The following PDE8A variants were observed in gnomAD, a reference collection of about 807,000 sequenced individuals.
The protein encoded by PDE8A is high affinity cAMP-specific and IBMX-insensitive 3',5'-cyclic phosphodiesterase 8A.
In PDE8A, 59 loss-of-function variants were observed where a neutral mutation model predicts 105.0. The observed-to-expected ratio is 0.56, with a 90% CI of 0.46 to 0.70. The LOEUF (loss-of-function observed/expected upper bound fraction) is 0.70. PDE8A is among the 30% of genes least tolerant of loss of function. PDE8A has a pLI of 0.00. For missense variants in PDE8A, 1,014 were observed against 1,045.9 expected (o/e 0.97, Z 0.42); for synonymous variants, 355 against 371.9 (o/e 0.95, Z 0.52).
At chr15:85,089,270 T>G (rs1278773175) in intron 6 of PDE8A, 68 bp from the exon 7 acceptor site, 3 of 825,950 alleles carry the variant, frequency 3.6e-6, no homozygotes, top group African/African-American at 3.5e-5. Context: ...ATTTAAATAA[T>G]GTAATAACCC....
chr15:85,051,893 A>T (rs925624977), intron 1 of PDE8A, among the ~76,000 whole-genome samples: 8 of 152,118 alleles, frequency 5.3e-5, no homozygotes, highest in African/African-American at 1.9e-4. Flanking sequence ...ACATATGTAT[A>T]CATGTGCCGT....
At chr15:85,049,506 C>T (rs1334250088) in intron 1 of PDE8A, among the ~76,000 whole-genome samples, 1 of 152,182 alleles carries the variant, frequency 6.6e-6, no homozygotes, top group Non-Finnish European at 1.5e-5. Context: ...TCATCTGTTC[C>T]ATAGCATATA....
chr15:85,050,108 T>C (rs2080949322), intron 1 of PDE8A, among the ~76,000 whole-genome samples: 1 of 152,170 alleles, frequency 6.6e-6, no homozygotes, highest in Admixed American at 6.5e-5. Flanking sequence ...CTTTCTTTTA[T>C]TAATATATCT....
At chr15:84,992,772 C>A (rs913026543) in intron 1 of PDE8A, among the ~76,000 whole-genome samples, 2 of 152,102 alleles carry the variant, frequency 1.3e-5, no homozygotes, top group African/African-American at 4.8e-5. Context: ...TGGGGTTTAC[C>A]AGCTTAGAAG....
At chr15:85,091,225 G>T in intron 8 of PDE8A, 44 bp downstream of exon 8, 1 of 1,532,158 alleles carries the variant, frequency 6.5e-7, no homozygotes, top group South Asian at 1.3e-5. Flanking sequence ...ACAACACAGA[G>T]AGAAGGAAGA....
chr15:85,092,326 T>G (rs1273296799), intron 8 of PDE8A, among the ~76,000 whole-genome samples: 2 of 122,890 alleles, frequency 1.6e-5, no homozygotes, highest in Admixed American at 1.5e-4. Context: ...TTTTTTGTTG[T>G]TGTTTTTTTT....
chr15:85,108,943 C>T, intron 11 of PDE8A, 110 bp from the exon 12 acceptor site: 1 of 695,268 alleles, frequency 1.4e-6, no homozygotes, highest in East Asian at 2.6e-5. Flanking sequence ...ACTTTTGTGG[C>T]ATTTAAAACA....
chr15:85,008,185 TGGC>T (rs2080179101), intron 1 of PDE8A, among the ~76,000 whole-genome samples: 1 of 151,974 alleles, frequency 6.6e-6, no homozygotes, highest in African/African-American at 2.4e-5. Flanking sequence ...TGGGCAGCTG[TGGC>T]CTTTGCAGAA....
At chr15:85,081,298 G>C (rs190768044) in intron 5 of PDE8A, among the ~76,000 whole-genome samples, 7 of 152,182 alleles carry the variant, frequency 4.6e-5, no homozygotes, top group African/African-American at 1.7e-4. Context: ...CCATTGAGTC[G>C]GTAGACTCAC....
chr15:85,126,919 A>C (rs1038283135), intron 20 of PDE8A, among the ~76,000 whole-genome samples: 1 of 152,230 alleles, frequency 6.6e-6, no homozygotes, highest in African/African-American at 2.4e-5. Flanking sequence ...ATCAAAAACT[A>C]TGAAGGCCAG....
chr15:85,115,286 T>C (rs1426054278), intron 14 of PDE8A, 153 bp from the exon 15 acceptor site: 3 of 589,440 alleles, frequency 5.1e-6, no homozygotes, highest in African/African-American at 2.0e-5. Flanking sequence ...CAGTGGTCAA[T>C]CACAGGGGTG....
At chr15:85,051,897 G>C (rs1162997896) in intron 1 of PDE8A, among the ~76,000 whole-genome samples, 1 of 152,082 alleles carries the variant, frequency 6.6e-6, no homozygotes, top group African/African-American at 2.4e-5. Context: ...ATGTATACAT[G>C]TGCCGTGCTG....
At chr15:85,053,726 A>T (rs553186911) in intron 1 of PDE8A, among the ~76,000 whole-genome samples, 1 of 152,208 alleles carries the variant, frequency 6.6e-6, no homozygotes, top group Non-Finnish European at 1.5e-5. Flanking sequence ...GGCTGAGACA[A>T]TGGGGTTTTC....
rs1456374518 is a variant in PDE8A, at chr15:85,139,035, T to TA, written c.*1138dup. The TA allele has an allele frequency of 5.9e-5, 9 of 152,258 alleles. No individual in the cohort carries two copies. In the South Asian group the frequency reaches 8.3e-4, roughly 14 times the overall value. The allele number at this position is 152,258 out of a possible 1,614,324, so 9.4% of individuals were successfully genotyped here. The stretch of plus-strand genomic sequence containing the variant: ...CACACCTTGAATAAGCATAATACCA[T>TA]AAAAAATGACACTTGACATGTCAAT... On this transcript the variant is annotated 3_prime_UTR_variant, in exon 22 of 22. Coordinates refer to ENST00000394553, the MANE Select transcript of PDE8A (RefSeq NM_002605.3).
intron 1 of PDE8A, among the ~76,000 whole-genome samples, chr15:85,033,549 CCT>C (rs1245297197): frequency 6.6e-6 from 1 of 152,068 alleles, no homozygotes; most frequent in Non-Finnish European, 1.5e-5. Flanking sequence ...GGCCCTGGCT[CCT>C]CTCCCAAATG....
At chr15:85,095,875 T>TA (rs200233444) in intron 8 of PDE8A, among the ~76,000 whole-genome samples, 39,864 of 145,546 alleles carry the variant, frequency 0.27, 6,550 homozygotes, top group African/African-American at 0.46. Flanking sequence ...TATATATATA[T>TA]TTTTTTTATA....
chr15:85,005,777 C>T (rs1368718480), intron 1 of PDE8A, among the ~76,000 whole-genome samples: 1 of 152,060 alleles, frequency 6.6e-6, no homozygotes, highest in Non-Finnish European at 1.5e-5. Context: ...GGACTGCCCT[C>T]TCTCGTTTTG....
chr15:85,031,159 A>G (rs935840525), intron 1 of PDE8A, among the ~76,000 whole-genome samples: 10 of 152,206 alleles, frequency 6.6e-5, no homozygotes, highest in African/African-American at 2.4e-4. Flanking sequence ...ACAAGCTACT[A>G]TGTTATCTAA....
chr15:85,018,514 T>C (rs1384025166), intron 1 of PDE8A, among the ~76,000 whole-genome samples: 2 of 152,236 alleles, frequency 1.3e-5, no homozygotes, highest in African/African-American at 4.8e-5. Flanking sequence ...ACCAGTCTCT[T>C]ACTATTGGGT....
Sources: allele counts gnomAD v4.1 joint callset (sites outside exome capture counted in the v4.1 genomes callset), GRCh38; gene constraint gnomAD v4.1.1; transcripts MANE v1.5; gene names NCBI Gene and HGNC (gene_info 2026-07-23, HGNC 2026-07-21).